Variants in INVS observed in about 807,000 individuals in gnomAD.
The protein encoded by INVS is inversin.
A neutral mutation model predicts 108.8 loss-of-function variants in INVS; 86 were observed. That is an observed-to-expected ratio of 0.79 (90% CI 0.66 to 0.95). The LOEUF is 0.95. INVS is among the 40% of genes least tolerant of loss of function. The probability of loss-of-function intolerance (pLI) is 0.00; values close to 1 mark genes in which losing one functional copy is unlikely to be tolerated. For synonymous variants in INVS, 455 were observed against 473.5 expected, an observed-to-expected ratio of 0.96 and a Z score of 0.51; for missense variants, 1,169 against 1,297.4, an observed-to-expected ratio of 0.90 and a Z score of 1.52.
chr9:100,225,320 T>C (rs1831282026), intron 3 of INVS, among the ~76,000 whole-genome samples: 2 of 149,480 alleles, frequency 1.3e-5, no homozygotes, highest in Non-Finnish European at 1.5e-5. Flanking sequence ...AGTGCTGGGG[T>C]TGCAGATGTG....
intron 2 of INVS, among the ~76,000 whole-genome samples, chr9:100,123,362 G>A (rs1263277071): frequency 6.6e-6 from 1 of 152,132 alleles, no homozygotes; most frequent in African/African-American, 2.4e-5. Context: ...ATAATATGTG[G>A]TATTTTTTGA....
intron 13 of INVS, 80 bp downstream of exon 13, chr9:100,284,683 C>A: frequency 7.0e-7 from 1 of 1,428,946 alleles, no homozygotes; most frequent in Non-Finnish European, 9.7e-7. Context: ...ACCAATTACA[C>A]TTAAGATAAT....
At chr9:100,112,908 G>C (rs762265639) in intron 2 of INVS, among the ~76,000 whole-genome samples, 6 of 152,106 alleles carry the variant, frequency 3.9e-5, no homozygotes, top group Non-Finnish European at 8.8e-5. Context: ...TGTCTCTCTA[G>C]GCAGAAAGTG....
chr9:100,297,291 T>C (rs1833818466), intron 15 of INVS, 145 bp downstream of exon 15: 1 of 745,326 alleles, frequency 1.3e-6, no homozygotes, highest in Non-Finnish European at 2.3e-6. Flanking sequence ...TTAAAAATGG[T>C]CAAAACTGCA....
chr9:100,247,147 A>G (rs974222323), intron 8 of INVS, among the ~76,000 whole-genome samples: 3 of 151,860 alleles, frequency 2.0e-5, no homozygotes, highest in African/African-American at 7.2e-5. Context: ...TATATTTTCA[A>G]AAATTTAGAA....
At chr9:100,173,558 T>C (rs1829614506) in intron 3 of INVS, among the ~76,000 whole-genome samples, 1 of 152,004 alleles carries the variant, frequency 6.6e-6, no homozygotes, top group Admixed American at 6.6e-5. Flanking sequence ...TGAAACCCCG[T>C]CTCTACTAAA....
intron 2 of INVS, among the ~76,000 whole-genome samples, chr9:100,121,621 G>C (rs1413355219): frequency 6.6e-6 from 1 of 152,118 alleles, no homozygotes; most frequent in Non-Finnish European, 1.5e-5. Context: ...TCTGATTAGA[G>C]ATTTATTAAT....
chr9:100,212,372 A>T (rs1044019567), intron 3 of INVS, among the ~76,000 whole-genome samples: 1 of 152,208 alleles, frequency 6.6e-6, no homozygotes, highest in Non-Finnish European at 1.5e-5. Context: ...GATTTATGTC[A>T]GAAAATTAAT....
chr9:100,203,370 A>AT (rs1830585409), intron 3 of INVS, among the ~76,000 whole-genome samples: 1 of 151,614 alleles, frequency 6.6e-6, no homozygotes, highest in Non-Finnish European at 1.5e-5. Flanking sequence ...CTTTGTGAAC[A>AT]TTTTTTTCTC....
chr9:100,126,310 C>T (rs1827881596), intron 2 of INVS, 73 bp from the exon 3 acceptor site: 3 of 1,189,312 alleles, frequency 2.5e-6, no homozygotes, highest in Non-Finnish European at 3.7e-6. Flanking sequence ...TGATAATAAA[C>T]AGCGAATATA....
intron 11 of INVS, among the ~76,000 whole-genome samples, chr9:100,271,562 A>G (rs1832957252): frequency 6.6e-6 from 1 of 152,254 alleles, no homozygotes; most frequent in African/African-American, 2.4e-5. Flanking sequence ...TTTGATAAAT[A>G]TTGCCAAATC....
At chr9:100,117,459 C>T (rs1827571404) in intron 2 of INVS, 2 of 786,864 alleles carry the variant, frequency 2.5e-6, no homozygotes, top group African/African-American at 1.7e-5. Flanking sequence ...GGCATGCACT[C>T]CTTATCCTCG....
chr9:100,278,722 G>C (rs987068475), intron 12 of INVS, among the ~76,000 whole-genome samples: 1 of 152,180 alleles, frequency 6.6e-6, no homozygotes, highest in Non-Finnish European at 1.5e-5. Context: ...GTTTCTTTCA[G>C]TTCTTATACG....
At chr9:100,215,233 C>T (rs535825082) in intron 3 of INVS, among the ~76,000 whole-genome samples, 2 of 152,192 alleles carry the variant, frequency 1.3e-5, no homozygotes, top group African/African-American at 2.4e-5. Context: ...ATCTCTAAGC[C>T]CCCTTTTGGC....
chr9:100,100,921 T>TGC (rs1564112270), intron 1 of INVS, among the ~76,000 whole-genome samples: 3 of 28,814 alleles, frequency 1.0e-4, no homozygotes, highest in African/African-American at 3.3e-4. Flanking sequence ...ATTATATGTA[T>TGC]ATATATAATA....
intron 3 of INVS, chr9:100,130,481 C>T (rs1243182139): frequency 1.3e-5 from 2 of 151,968 alleles, no homozygotes; most frequent in African/African-American, 4.8e-5. Flanking sequence ...ATTCAACAAG[C>T]GTTTGTTAAA....
intron 8 of INVS, among the ~76,000 whole-genome samples, chr9:100,247,423 C>T (rs182701221): frequency 2.6e-5 from 4 of 152,266 alleles, no homozygotes; most frequent in Non-Finnish European, 5.9e-5. Flanking sequence ...TCAGTGTCAA[C>T]TTGGAGGTCT....
At chr9:100,148,471 C>T (rs1828699967) in intron 3 of INVS, among the ~76,000 whole-genome samples, 1 of 151,876 alleles carries the variant, frequency 6.6e-6, no homozygotes, top group Admixed American at 6.6e-5. Context: ...GCAGAAAATT[C>T]CAAGGGAAAG....
At chr9:100,240,803 A>G (rs965401210) in intron 6 of INVS, among the ~76,000 whole-genome samples, 1 of 151,250 alleles carries the variant, frequency 6.6e-6, no homozygotes. Context: ...TTTTCCTGCT[A>G]TCTTTCTATT....
Sources: gnomAD v4.1 joint callset for allele counts (sites outside exome capture counted in the v4.1 genomes callset) on GRCh38, gnomAD v4.1.1 for gene constraint, MANE v1.5 for transcripts, NCBI Gene and HGNC (gene_info 2026-07-23, HGNC 2026-07-21) for gene names.